The following WDR33 variants were observed in gnomAD, a reference collection of about 807,000 sequenced individuals.
The protein encoded by WDR33 is WD repeat domain 33.
In WDR33, 47 loss-of-function variants were observed where a neutral mutation model predicts 164.9. The observed-to-expected ratio is 0.29, with a 90% CI of 0.23 to 0.36. The LOEUF (loss-of-function observed/expected upper bound fraction) is 0.36, where lower values mean the gene tolerates loss of function less well. Among genes scored for constraint, WDR33 ranks in the 10% least tolerant of loss-of-function variants. The pLI, the probability that WDR33 is intolerant of heterozygous loss-of-function variation, is 1.00. For missense variants in WDR33, 1,137 were observed against 1,754.1 expected, an observed-to-expected ratio of 0.65 and a Z score of 6.28; for synonymous variants, 505 against 589.0, an observed-to-expected ratio of 0.86 and a Z score of 2.06.
At chr2:127,756,958 T>TC (rs1455629393) in intron 7 of WDR33, among the ~76,000 whole-genome samples, 4 of 151,718 alleles carry the variant, frequency 2.6e-5, no homozygotes, top group African/African-American at 9.7e-5. Context: ...ATGCCTGTAG[T>TC]CCCAGCTACC....
chr2:127,805,068 C>CT (rs201681607), intron 1 of WDR33, among the ~76,000 whole-genome samples: 6,619 of 84,740 alleles, frequency 0.078, 1,134 homozygotes, highest in Non-Finnish European at 0.1. Context: ...GAAGTTTTTT[C>CT]TTTTTTTTTT....
At chr2:127,750,678 ATATATATATATATATATAT>A (rs1490575157) in intron 7 of WDR33, among the ~76,000 whole-genome samples, 3 of 27,548 alleles carry the variant, frequency 1.1e-4, no homozygotes, top group Admixed American at 4.9e-4. Flanking sequence ...AAAAAAAAAA[ATATATATATATATATATAT>A]ATATATATAT....
Position 127,722,974 on chromosome 2 carries a change from C to G in WDR33, c.1362G>C (p.Met454Ile), listed in dbSNP as rs755874193. ...TTCTCTTACCCATCTGTTCTTGTTC[C>G]ATAGCTAATTTTAGTTGTTCTGGTA... ...MGIPEQLKLA[M>I]EQEQMGKDES... The change falls in exon 13 of 22, where the codon ATG becomes ATC. Residue 454 changes from methionine (M) to isoleucine (I), a missense_variant. Met to Ile is a conservative substitution (Grantham distance 10). This residue lies in a region of WDR33 where 75 missense variants were observed against 124.7 expected (regional missense o/e 0.60). Transcript: ENST00000322313. The surrounding 1 kb of genome is among the most constrained non-coding windows in gnomAD (Gnocchi z 5.1). 1 of 1,610,494 alleles carries G rather than the reference C, an allele frequency of 6.2e-7. No homozygotes were observed. Among genetic ancestry groups the G allele is most frequent in the Non-Finnish European group, 8.5e-7 (1 of 1,179,012 alleles).
chr2:127,706,485 C>A lies in WDR33; in HGVS notation c.3849G>T (p.Glu1283Asp). 1 of 1,613,474 alleles carries A rather than the reference C, an allele frequency of 6.2e-7. No homozygotes were observed. The highest frequency in any genetic ancestry group is 8.5e-7 in the Non-Finnish European group (1 of 1,179,746). Residue 1283 changes from glutamate to aspartate, a missense_variant, in exon 22 of 22, where the codon GAG (glutamate) becomes GAT (aspartate). Glu to Asp is a conservative substitution (Grantham distance 45). Around this residue, in one of 9 missense-constraint regions of WDR33, gnomAD observed 867 missense variants for 1,073.0 expected, o/e 0.81. Coordinates refer to ENST00000322313, the MANE Select transcript of WDR33 (RefSeq NM_018383.5). This position sits in a 1 kb window ranked among gnomAD's most constrained non-coding sequence, Gnocchi z 5.1. ...KSGRSSSLDGEHHDGYHRDEP... is the reference protein window; with the variant it reads ...KSGRSSSLDGDHHDGYHRDEP... The stretch of plus-strand genomic sequence containing the variant: ...CATCTCTGTGGTATCCATCGTGGTG[C>A]TCTCCGTCTAAGGAGCTGGAACGCC...
chr2:127,746,661 G>A (rs1044438149), intron 7 of WDR33, among the ~76,000 whole-genome samples: 23 of 152,178 alleles, frequency 1.5e-4, no homozygotes, highest in African/African-American at 5.1e-4. Context: ...CTGACTCTCA[G>A]CTGAGTGATG....
chr2:127,717,369 C>A lies in WDR33; in HGVS notation c.2761-106G>T. The stretch of plus-strand genomic sequence containing the variant: ...GATAAAAATACCCAGTAAATATTTA[C>A]CTAGTAAGATTACAGTAACATTGTC... On this transcript the variant is annotated intron_variant, in intron 16 of 21. Transcript: ENST00000322313. This position sits in a 1 kb window ranked among gnomAD's most constrained non-coding sequence, Gnocchi z 5.6. The A allele has an allele frequency of 1.1e-6, 1 of 890,506 alleles. No homozygotes were observed. The highest frequency in any genetic ancestry group is 1.6e-6 in the Non-Finnish European group (1 of 619,564). 55.2% of individuals were successfully genotyped at this position (890,506 alleles called of 1,614,324 possible). A position where few individuals can be genotyped will look rare whatever the true frequency, so the allele number is the denominator to read the frequency against.
chr2:127,722,613 G>A lies in WDR33; in HGVS notation c.1496C>T (p.Pro499Leu). ...VPQKKVPYAK[P>L]IPAQFQQAWM... ...TACCTGCTGGAACTGAGCAGGAATG[G>A]GTTTTGCATAAGGAACTTTCTTCTG... The change falls in exon 14 of 22, where the codon CCC becomes CTC. Residue 499 changes from proline to leucine, a missense_variant. This residue lies in a region of WDR33 where 75 missense variants were observed against 124.7 expected (regional missense o/e 0.60). Coordinates refer to ENST00000322313, the MANE Select transcript of WDR33 (RefSeq NM_018383.5). This position sits in a 1 kb window ranked among gnomAD's most constrained non-coding sequence, Gnocchi z 5.1. The A allele has an allele frequency of 6.2e-7, 1 of 1,613,920 alleles. No homozygotes were observed.
intron 1 of WDR33, among the ~76,000 whole-genome samples, chr2:127,777,913 A>G (rs1688238420): frequency 1.3e-5 from 2 of 152,300 alleles, no homozygotes; most frequent in Admixed American, 1.3e-4. Flanking sequence ...CACCTGGTCA[A>G]TTCTGCTTCT....
Position 127,723,041 on chromosome 2 carries a change from T to C in WDR33, c.1295A>G (p.Asp432Gly). 1.2e-6 allele frequency: 2 copies of C among 1,608,388 alleles called. No homozygotes were observed. Among genetic ancestry groups the C allele is most frequent in the African/African-American group, 1.3e-5 (1 of 74,752 alleles). ...GMSEDGVEYD[D>G]LEPNSLAVIP... is the part of the protein sequence containing the mutation. ...TACTGCCAGGCTATTAGGTTCGAGG[T>C]CATCTATAAATAGTAATACACCATT... Residue 432 changes from aspartate to glycine, a missense_variant, in exon 13 of 22, where the codon GAC becomes GGC. Asp to Gly is a moderately conservative substitution (Grantham distance 94, BLOSUM62 -1). Transcript: ENST00000322313. This position sits in a 1 kb window ranked among gnomAD's most constrained non-coding sequence, Gnocchi z 5.9.
chr2:127,769,560 G>C (rs1190570542), intron 2 of WDR33, among the ~76,000 whole-genome samples: 3 of 152,152 alleles, frequency 2.0e-5, no homozygotes, highest in Non-Finnish European at 4.4e-5. Flanking sequence ...GGAAACAGCA[G>C]AGAGGGTAGA....
At chr2:127,810,845 T>G (rs945317805) in intron 1 of WDR33, 167 bp downstream of exon 1, 1 of 152,728 alleles carries the variant, frequency 6.5e-6, no homozygotes, top group Non-Finnish European at 1.5e-5. Context: ...CCCATAAGTC[T>G]CGAACCTGCC....
intron 1 of WDR33, among the ~76,000 whole-genome samples, chr2:127,799,539 A>T (rs1689160090): frequency 6.6e-6 from 1 of 152,180 alleles, no homozygotes; most frequent in Non-Finnish European, 1.5e-5. Context: ...TCACGCCTGT[A>T]ATCCCAGCAC....
intron 7 of WDR33, among the ~76,000 whole-genome samples, chr2:127,761,407 A>G (rs963763290): frequency 1.2e-4 from 19 of 152,008 alleles, no homozygotes; most frequent in Non-Finnish European, 1.8e-4. Flanking sequence ...TCATGGTGTT[A>G]GCCAGGATGG....
intron 1 of WDR33, among the ~76,000 whole-genome samples, chr2:127,771,615 A>C (rs917039534): frequency 9.2e-5 from 14 of 152,140 alleles, no homozygotes; most frequent in African/African-American, 3.4e-4. Flanking sequence ...CCATCTCTAC[A>C]AAAAATAAAA....
chr2:127,760,048 C>T lies in WDR33; in HGVS notation c.724+3014G>A, dbSNP rs1310804591. On this transcript the variant is annotated intron_variant, in intron 7 of 21. Transcript: ENST00000322313. ...GTGCAGACTTAATTTTTGGTATTCC[C>T]GTAGGCAAGACAAGTTGTAAGGAAG... is the stretch of plus-strand genomic sequence containing the variant. Among the ~76,000 whole-genome samples, 10 of 151,998 alleles carry T rather than the reference C, an allele frequency of 6.6e-5. No individual in the cohort carries two copies. The South Asian group carries it at 1.9e-3, about 28-fold the overall frequency.
chr2:127,709,271 T>A lies in WDR33; in HGVS notation c.3565+219A>T, dbSNP rs1185608855. On this transcript the variant is annotated intron_variant, in intron 20 of 21. Coordinates refer to ENST00000322313, the MANE Select transcript of WDR33 (RefSeq NM_018383.5). This position sits in a 1 kb window ranked among gnomAD's most constrained non-coding sequence, Gnocchi z 5.0. ...CAATTTAGTGGAAAGAGCAGTCCCGTTTTATACTCAGATAGATCCCTGTAA... is the reference window on the plus strand; with the variant it reads ...CAATTTAGTGGAAAGAGCAGTCCCGATTTATACTCAGATAGATCCCTGTAA... Among the ~76,000 whole-genome samples, 1 of 152,164 alleles carries A rather than the reference T, an allele frequency of 6.6e-6. No homozygotes were observed. The highest frequency in any genetic ancestry group is 1.5e-5 in the Non-Finnish European group (1 of 68,026).
chr2:127,782,427 T>A (rs762143238), intron 1 of WDR33, among the ~76,000 whole-genome samples: 5 of 151,958 alleles, frequency 3.3e-5, no homozygotes, highest in Non-Finnish European at 7.4e-5. Context: ...AAAATTGATC[T>A]CAAAAAGAAG....
rs1441308896 is a variant in WDR33, at chr2:127,736,542, A to G, written c.725-9765T>C. 6 of 985,350 alleles carry G rather than the reference A, an allele frequency of 6.1e-6. No individual in the cohort carries two copies. The African/African-American group carries it at 1.0e-4, about 17-fold the overall frequency. 61.0% of individuals were successfully genotyped at this position (985,350 alleles called of 1,614,324 possible). ...TGCACCATAAATCTGGCAGTCTCTA[A>G]GTCACACATTTACTTTGCCTATGTA... is the stretch of plus-strand genomic sequence containing the variant. On this transcript the variant is annotated intron_variant, in intron 7 of 21. Coordinates refer to ENST00000322313, the MANE Select transcript of WDR33 (RefSeq NM_018383.5).
At chr2:127,760,982 T>C (rs933595618) in intron 7 of WDR33, among the ~76,000 whole-genome samples, 1 of 152,196 alleles carries the variant, frequency 6.6e-6, no homozygotes, top group Non-Finnish European at 1.5e-5. Flanking sequence ...CTGAAAATAC[T>C]TAACTGCTAG....
Sources: allele counts gnomAD v4.1 joint callset (sites outside exome capture counted in the v4.1 genomes callset), GRCh38; gene constraint gnomAD v4.1.1; regional missense constraint gnomAD v4.1.1; non-coding constraint Gnocchi (gnomAD v3.1); transcripts MANE v1.5; gene names NCBI Gene and HGNC (gene_info 2026-07-23, HGNC 2026-07-21).